Variants in NOP58 observed in about 807,000 individuals in gnomAD.
NOP58 encodes nucleolar protein 58.
Under a neutral mutation model 71.2 loss-of-function variants are expected in NOP58, and 44 were observed. The observed-to-expected ratio is 0.62, with a 90% CI of 0.49 to 0.79. NOP58 has a LOEUF of 0.79. NOP58 is among the 30% of genes least tolerant of loss of function. The pLI, the probability that NOP58 is intolerant of heterozygous loss-of-function variation, is 0.00. For missense variants in NOP58, 538 were observed against 620.2 expected, an observed-to-expected ratio of 0.87 and a Z score of 1.41; for synonymous variants, 228 against 200.3, an observed-to-expected ratio of 1.14 and a Z score of -1.17.
chr2:202,286,991 GAGTCCTGCAA>G (rs1490354197), intron 5 of NOP58, among the ~76,000 whole-genome samples: 2 of 151,500 alleles, frequency 1.3e-5, no homozygotes, highest in African/African-American at 4.9e-5. Flanking sequence ...CAGATGTTAA[GAGTCCTGCAA>G]AGTTCCTAAC....
At chr2:202,275,426 A>G (rs1688575633) in intron 2 of NOP58, 11 of 408,886 alleles carry the variant, frequency 2.7e-5, no homozygotes, top group Non-Finnish European at 2.7e-5. Context: ...GTTCCAGAAG[A>G]CCCTGTGGAT....
At chr2:202,297,770 T>G in intron 11 of NOP58, 75 bp from the exon 12 acceptor site, 1 of 919,680 alleles carries the variant, frequency 1.1e-6, no homozygotes, top group Non-Finnish European at 1.6e-6. Context: ...GCCCACTGAT[T>G]CACTAGACTG....
intron 2 of NOP58, 64 bp from the exon 3 acceptor site, chr2:202,277,886 T>C (rs747670132): frequency 2.3e-5 from 19 of 834,282 alleles, no homozygotes; most frequent in Non-Finnish European, 3.2e-5. Context: ...TTCCAAGTTA[T>C]GTGGCTTTTG....
chr2:202,300,260 G>A lies in NOP58; in HGVS notation c.1295G>A (p.Gly432Asp), dbSNP rs774262804. 5.3e-5 allele frequency: 85 copies of A among 1,593,934 alleles called. No individual in the cohort carries two copies. The highest frequency in any genetic ancestry group is 7.2e-5 in the Non-Finnish European group (85 of 1,175,574). The stretch of plus-strand genomic sequence containing the variant: ...GAAGTGAAGACTTACGATCCTTCTG[G>A]TGACTCCACACTTCCAACCTGTTCT... ...KSEVKTYDPS[G>D]DSTLPTCSKK... is the part of the protein sequence containing the mutation. The change falls in exon 13 of 15, where the codon GGT becomes GAT. Residue 432 changes from glycine to aspartate, a missense_variant. Gly to Asp is a moderately conservative substitution (Grantham distance 94). Coordinates refer to ENST00000264279, the MANE Select transcript of NOP58 (RefSeq NM_015934.5).
intron 9 of NOP58, chr2:202,293,190 A>T (rs1688932832): frequency 3.4e-6 from 2 of 594,184 alleles, no homozygotes; most frequent in African/African-American, 1.8e-5. Context: ...GGATGAATGC[A>T]GGAGGATAAA....
At chr2:202,296,945 G>A (rs1486186762) in intron 10 of NOP58, among the ~76,000 whole-genome samples, 1 of 152,050 alleles carries the variant, frequency 6.6e-6, no homozygotes, top group Non-Finnish European at 1.5e-5. Flanking sequence ...GTGTTAGCCA[G>A]GATGGTCTCG....
chr2:202,271,161 TTAGA>T (rs1399746303), intron 1 of NOP58, among the ~76,000 whole-genome samples: 4 of 152,088 alleles, frequency 2.6e-5, no homozygotes, highest in Non-Finnish European at 5.9e-5. Flanking sequence ...TGCCCAAGTA[TTAGA>T]TAGGATGGGC....
intron 11 of NOP58, 95 bp from the exon 12 acceptor site, chr2:202,297,750 C>A: frequency 1.2e-6 from 1 of 824,984 alleles, no homozygotes; most frequent in Non-Finnish European, 1.9e-6. Flanking sequence ...GCAGAAATTG[C>A]TGTTTGCTGG....
chr2:202,270,098 A>G (rs1055574724), intron 1 of NOP58, among the ~76,000 whole-genome samples: 6 of 152,236 alleles, frequency 3.9e-5, no homozygotes, highest in Non-Finnish European at 7.3e-5. Flanking sequence ...TGTACTTTAC[A>G]TACTGTATAA....
rs953192882 is a variant in NOP58, at chr2:202,290,602, T to A, written c.634+145T>A. 14 of 685,514 alleles carry A rather than the reference T, an allele frequency of 2.0e-5. No homozygotes were observed. In the South Asian group the frequency reaches 2.5e-4, roughly 12 times the overall value. The allele number at this position is 685,514 out of a possible 1,614,324, so 42.5% of individuals were successfully genotyped here. A position where few individuals can be genotyped will look rare whatever the true frequency, so the allele number is the denominator to read the frequency against. On this transcript the variant is annotated intron_variant, in intron 7 of 14. Coordinates refer to ENST00000264279, the MANE Select transcript of NOP58 (RefSeq NM_015934.5). ...TTGGGAAGTGTAGCAGTTTAGTGTC[T>A]TAAATTTAAGAAACAAAATGAATTT...
intron 1 of NOP58, among the ~76,000 whole-genome samples, chr2:202,268,370 T>TA (rs879930072): frequency 5.3e-4 from 80 of 151,688 alleles, no homozygotes; most frequent in Middle Eastern, 3.4e-3. Flanking sequence ...CCGTCTCTAC[T>TA]AAAAAAATAG....
At chr2:202,296,330 A>T (rs1190564360) in intron 10 of NOP58, among the ~76,000 whole-genome samples, 1 of 151,790 alleles carries the variant, frequency 6.6e-6, no homozygotes, top group Non-Finnish European at 1.5e-5. Context: ...CAGCCTTCTG[A>T]GTAGCTGGGA....
At chr2:202,268,922 A>C (rs538125278) in intron 1 of NOP58, among the ~76,000 whole-genome samples, 3 of 150,790 alleles carry the variant, frequency 2.0e-5, no homozygotes, top group Admixed American at 6.6e-5. Flanking sequence ...AGTTTTTTTT[A>C]AACTTCCATT....
In NOP58 at chr2:202,291,968, C is replaced by CTTTTTTTTTT. The variant is rs869075798; in HGVS notation, c.780+725_780+734dup. 7.1e-4 allele frequency among the ~76,000 whole-genome samples: 31 copies of CTTTTTTTTTT among 43,958 alleles called. 11 individuals are homozygous for CTTTTTTTTTT. The highest frequency in any genetic ancestry group is 9.6e-4 in the Non-Finnish European group (23 of 23,980). 28.8% of individuals were successfully genotyped at this position (43,958 alleles called of 152,430 possible). On this transcript the variant is annotated intron_variant, in intron 8 of 14. Coordinates refer to ENST00000264279, the MANE Select transcript of NOP58 (RefSeq NM_015934.5). ...GATACAAATGTTTATTGCTCAGAAT[C>CTTTTTTTTTT]TTTTTTTTTTTTTTTTTTTTTTTTT...
At chr2:202,269,719 C>T (rs751544558) in intron 1 of NOP58, among the ~76,000 whole-genome samples, 15 of 151,660 alleles carry the variant, frequency 9.9e-5, no homozygotes, top group Non-Finnish European at 1.5e-4. Flanking sequence ...GCAGCCTGGG[C>T]GACAGGGCAA....
At chr2:202,292,320 C>T (rs774539873) in intron 8 of NOP58, among the ~76,000 whole-genome samples, 1 of 151,838 alleles carries the variant, frequency 6.6e-6, no homozygotes, top group Non-Finnish European at 1.5e-5. Flanking sequence ...AATACAGTTA[C>T]GCTGACTAAG....
intron 1 of NOP58, among the ~76,000 whole-genome samples, chr2:202,266,221 T>A (rs963013325): frequency 1.3e-5 from 2 of 152,030 alleles, no homozygotes; most frequent in Non-Finnish European, 2.9e-5. Context: ...GTTGAAGGGG[T>A]GGGCAGGAGG....
chr2:202,294,919 C>T (rs1167388278), intron 9 of NOP58, among the ~76,000 whole-genome samples: 3 of 151,438 alleles, frequency 2.0e-5, no homozygotes, highest in African/African-American at 2.4e-5. Flanking sequence ...GAGCCAAGAT[C>T]GCGCCACTGC....
chr2:202,284,716 A>C (rs1688762051), intron 5 of NOP58: 1 of 421,818 alleles, frequency 2.4e-6, no homozygotes, highest in South Asian at 4.3e-5. Context: ...GATTCTTAAA[A>C]CCTTAAAACC....
Sources: allele counts gnomAD v4.1 joint callset (sites outside exome capture counted in the v4.1 genomes callset), GRCh38; gene constraint gnomAD v4.1.1; transcripts MANE v1.5; gene names NCBI Gene and HGNC (gene_info 2026-07-23, HGNC 2026-07-21).